DIPK1A: variants seen among roughly 807,000 people sequenced by gnomAD.
The protein encoded by DIPK1A is divergent protein kinase domain 1A.
In DIPK1A, 27 loss-of-function variants were observed where a neutral mutation model predicts 40.8. The observed-to-expected ratio is 0.66, with a 90% CI of 0.49 to 0.91. The LOEUF (loss-of-function observed/expected upper bound fraction) is 0.91, where lower values mean the gene tolerates loss of function less well. Among genes scored for constraint, DIPK1A ranks in the 40% least tolerant of loss-of-function variants. The pLI is 0.00. For synonymous variants in DIPK1A, 166 were observed against 171.3 expected (o/e 0.97, Z 0.24); for missense variants, 412 against 505.7 (o/e 0.81, Z 1.78).
At chr1:92,862,920 GA>G (rs1647346266) in intron 2 of DIPK1A, among the ~76,000 whole-genome samples, 1 of 152,180 alleles carries the variant, frequency 6.6e-6, no homozygotes, top group Admixed American at 6.5e-5. Context: ...ACCTTTTCCA[GA>G]AAGCCTTCTG....
rs184985893 is a variant in DIPK1A, at chr1:92,905,073, G to A, written c.55-28643C>T. On this transcript the variant is annotated intron_variant, in intron 1 of 4. Coordinates refer to ENST00000370310, the MANE Select transcript of DIPK1A (RefSeq NM_001006605.5). The stretch of plus-strand genomic sequence containing the variant: ...TCATCTGCTGATGGACACTTAGGTT[G>A]CTTCCAAATCTTAGCTATTGTGAAT... 2.6e-5 allele frequency among the ~76,000 whole-genome samples: 4 copies of A among 152,250 alleles called. No homozygotes were observed. The East Asian group carries it at 5.8e-4, about 22-fold the overall frequency.
intron 1 of DIPK1A, among the ~76,000 whole-genome samples, chr1:92,960,488 G>A (rs1312632229): frequency 3.3e-5 from 5 of 152,234 alleles, no homozygotes; most frequent in South Asian, 4.1e-4. Flanking sequence ...TTTTCCATCG[G>A]AGTGATGGAT....
chr1:92,916,426 C>T (rs1650057343), intron 1 of DIPK1A, among the ~76,000 whole-genome samples: 1 of 151,686 alleles, frequency 6.6e-6, no homozygotes, highest in African/African-American at 2.4e-5. Flanking sequence ...CTCAGTCTTC[C>T]AAGTAGCTGG....
chr1:92,840,185 G>GT (rs1365510872), downstream of DIPK1A: 1 of 257,662 alleles, frequency 3.9e-6, no homozygotes. Flanking sequence ...TGGCTAATTA[G>GT]TTTTTTTATG....
At chr1:92,837,285 AGCT>A, downstream of DIPK1A, 1 of 778,692 alleles carries the variant, frequency 1.3e-6, no homozygotes, top group African/African-American at 1.7e-5. Context: ...TTCAGAGATG[AGCT>A]GCTGAATGAT....
intron 1 of DIPK1A, among the ~76,000 whole-genome samples, chr1:92,906,284 C>T (rs1649619776): frequency 6.6e-6 from 1 of 152,150 alleles, no homozygotes; most frequent in East Asian, 1.9e-4. Flanking sequence ...GCCATATCTG[C>T]AAAGAAATAT....
intron 1 of DIPK1A, among the ~76,000 whole-genome samples, chr1:92,942,004 G>T (rs76606193): frequency 1.2e-3 from 181 of 147,426 alleles, no homozygotes; most frequent in African/African-American, 4.4e-3. Flanking sequence ...AAAAAAAAAA[G>T]CCAGTGTGCA....
chr1:92,954,682 C>A (rs145625457), intron 1 of DIPK1A, among the ~76,000 whole-genome samples: 3 of 152,160 alleles, frequency 2.0e-5, no homozygotes, highest in Non-Finnish European at 4.4e-5. Context: ...GCCGACAACA[C>A]CTTACCTCTT....
intron 2 of DIPK1A, among the ~76,000 whole-genome samples, chr1:92,860,468 T>C (rs771125039): frequency 5.9e-5 from 9 of 151,990 alleles, no homozygotes; most frequent in Non-Finnish European, 1.3e-4. Context: ...ACTAAATCTT[T>C]CATGCAAGTT....
At chr1:92,894,149 G>T (rs925045902) in intron 1 of DIPK1A, among the ~76,000 whole-genome samples, 5 of 152,040 alleles carry the variant, frequency 3.3e-5, no homozygotes, top group Non-Finnish European at 5.9e-5. Flanking sequence ...TGCACCAAGC[G>T]GACCTAATAG....
intron 1 of DIPK1A, 97 bp from the exon 2 acceptor site, chr1:92,876,527 A>C: frequency 7.7e-7 from 1 of 1,293,836 alleles, no homozygotes; most frequent in Non-Finnish European, 1.1e-6. Context: ...GAACAACTCA[A>C]TATATATTCC....
chr1:92,899,242 ATATATT>A (rs1428006443), intron 1 of DIPK1A, among the ~76,000 whole-genome samples: 1 of 152,170 alleles, frequency 6.6e-6, no homozygotes, highest in Admixed American at 6.5e-5. Context: ...TTGGGTTCAT[ATATATT>A]TATAATTGTT....
At chr1:92,862,954 C>G (rs535596276) in intron 2 of DIPK1A, among the ~76,000 whole-genome samples, 2 of 152,004 alleles carry the variant, frequency 1.3e-5, no homozygotes, top group Non-Finnish European at 2.9e-5. Flanking sequence ...TTAGGGTTGC[C>G]GAGCAAAATA....
intron 1 of DIPK1A, among the ~76,000 whole-genome samples, chr1:92,907,456 TAG>T (rs926680955): frequency 6.6e-6 from 1 of 152,130 alleles, no homozygotes; most frequent in African/African-American, 2.4e-5. Context: ...AAAAGTTTTT[TAG>T]AGACAGGGTC....
chr1:92,844,841 G>T (rs1427484418), intron 4 of DIPK1A, among the ~76,000 whole-genome samples: 1 of 151,534 alleles, frequency 6.6e-6, no homozygotes, highest in African/African-American at 2.4e-5. Context: ...CATGTAAAAT[G>T]GCCAAATAAA....
At chr1:92,918,695 G>A (rs1650150401) in intron 1 of DIPK1A, among the ~76,000 whole-genome samples, 1 of 152,144 alleles carries the variant, frequency 6.6e-6, no homozygotes, top group African/African-American at 2.4e-5. Flanking sequence ...CTTGGTAAGT[G>A]CTGTATCTAA....
At chr1:92,949,042 G>C (rs1245724475) in intron 1 of DIPK1A, among the ~76,000 whole-genome samples, 2 of 151,638 alleles carry the variant, frequency 1.3e-5, no homozygotes, top group East Asian at 1.9e-4. Context: ...CTGACCTCAG[G>C]TGATCCACCC....
intron 1 of DIPK1A, among the ~76,000 whole-genome samples, chr1:92,905,241 T>C (rs1008975860): frequency 1.3e-5 from 2 of 152,136 alleles, no homozygotes; most frequent in Admixed American, 6.5e-5. Flanking sequence ...CCATTCTCTA[T>C]AATGGCTGTA....
chr1:92,839,957 C>T (rs931896788), downstream of DIPK1A, among the ~76,000 whole-genome samples: 1 of 151,570 alleles, frequency 6.6e-6, no homozygotes, highest in African/African-American at 2.4e-5. Context: ...TCTCCCACCT[C>T]AGCCTCTCGA....
Sources: allele counts gnomAD v4.1 joint callset (sites outside exome capture counted in the v4.1 genomes callset), GRCh38; gene constraint gnomAD v4.1.1; transcripts MANE v1.5; gene names NCBI Gene and HGNC (gene_info 2026-07-23, HGNC 2026-07-21).